Variants in COL27A1 observed in about 807,000 individuals in gnomAD.
The protein encoded by COL27A1 is collagen type XXVII alpha 1 chain, also known as collagen alpha-1(XXVII) chain.
A neutral mutation model predicts 251.3 loss-of-function variants in COL27A1; 106 were observed. The observed-to-expected ratio is 0.42, with a 90% CI of 0.36 to 0.50. The LOEUF (loss-of-function observed/expected upper bound fraction) is 0.50, where lower values mean the gene tolerates loss of function less well. Ranked by LOEUF, COL27A1 falls within the 20% of genes least tolerant of loss-of-function variation. COL27A1 has a pLI of 0.00. For missense variants in COL27A1, 2,325 were observed against 2,522.8 expected, an observed-to-expected ratio of 0.92 and a Z score of 1.68; for synonymous variants, 1,000 against 986.3, an observed-to-expected ratio of 1.01 and a Z score of -0.26.
intron 1 of COL27A1, among the ~76,000 whole-genome samples, chr9:114,160,854 G>A (rs1400488457): frequency 6.6e-6 from 1 of 152,202 alleles, no homozygotes; most frequent in Non-Finnish European, 1.5e-5. Flanking sequence ...TGGATGTGTA[G>A]GAACTGACCA....
At position 114,243,664 on chromosome 9, in the gene COL27A1, GA is replaced by G. The variant is rs779903917; in HGVS notation, c.2934+111del. 8 of 920,876 alleles carry G rather than the reference GA, an allele frequency of 8.7e-6. No homozygotes were observed. The African/African-American group carries it at 1.2e-4, about 14-fold the overall frequency. 57.0% of individuals were successfully genotyped at this position (920,876 alleles called of 1,614,324 possible). ...TCCCATGGCCAGTTGTGAAAAGGGA[GA>G]AAAAAATTGGTTCCTGTTTAGAACA... On this transcript the variant is annotated intron_variant, in intron 23 of 60. Transcript: ENST00000356083.
In COL27A1 at chr9:114,169,118, T is replaced by G. The variant is rs774246839; in HGVS notation, c.1563T>G (p.Pro521=). The G allele has an allele frequency of 6.2e-7, 1 of 1,614,086 alleles. No individual in the cohort carries two copies. The highest frequency in any genetic ancestry group is 8.5e-7 in the Non-Finnish European group (1 of 1,180,012). Residue 521 remains proline, a synonymous_variant, in exon 3 of 61, where the codon CCT becomes CCG. Coordinates refer to ENST00000356083, the MANE Select transcript of COL27A1 (RefSeq NM_032888.4). ...TSGTSTPRTA[P]AVPTPGSAPT... ...GCACCAGCACTCCCAGAACAGCACC[T>G]GCCGTCCCCACTCCTGGCTCAGCTC...
Position 114,211,006 on chromosome 9 carries a change from A to G in COL27A1, c.2347A>G (p.Arg783Gly). 4 of 1,614,188 alleles carry G rather than the reference A, an allele frequency of 2.5e-6. No individual in the cohort carries two copies. The highest frequency in any genetic ancestry group is 3.4e-6 in the Non-Finnish European group (4 of 1,180,012). The change falls in exon 12 of 61, where the codon AGG (arginine) becomes GGG (glycine). Residue 783 changes from arginine (R) to glycine (G), a missense_variant. By Grantham distance (125) the Arg-to-Gly change is moderately radical. Transcript: ENST00000356083. ...ERGLPGVPGK[R>G]GKMGMPGFPG... ...GGGCCTGCCTGGCGTTCCTGGCAAG[A>G]GGGGCAAGATGGGTATGCCGGTAAA...
chr9:114,209,595 GT>G (rs1245409718), intron 10 of COL27A1, 79 bp from the exon 11 acceptor site: 19 of 1,291,730 alleles, frequency 1.5e-5, no homozygotes, highest in Middle Eastern at 1.9e-4. Context: ...TGGGATGGCA[GT>G]GGTGGGTGGG....
chr9:114,157,548 T>C (rs1055480234), intron 1 of COL27A1, among the ~76,000 whole-genome samples: 1 of 152,228 alleles, frequency 6.6e-6, no homozygotes, highest in African/African-American at 2.4e-5. Flanking sequence ...CTCCTGGTGG[T>C]CTCTGTCCCT....
At chr9:114,178,453 C>A in intron 4 of COL27A1, 109 bp downstream of exon 4, 1 of 956,102 alleles carries the variant, frequency 1.0e-6, no homozygotes, top group Non-Finnish European at 1.7e-6. Flanking sequence ...TTCCCTCCCC[C>A]TCTCTGGCAC....
intron 6 of COL27A1, 86 bp from the exon 7 acceptor site, chr9:114,195,873 G>T: frequency 9.5e-7 from 1 of 1,049,426 alleles, no homozygotes; most frequent in Non-Finnish European, 1.5e-6. Flanking sequence ...ACCAGCCATT[G>T]GAAGTTACCA....
intron 57 of COL27A1, among the ~76,000 whole-genome samples, chr9:114,305,219 T>C (rs1192492740): frequency 6.6e-6 from 1 of 152,210 alleles, no homozygotes; most frequent in East Asian, 1.9e-4. Flanking sequence ...TCAAACCTCC[T>C]ATGAACATTT....
Position 114,240,512 on chromosome 9 carries a change from T to C in COL27A1, c.2835+25T>C, listed in dbSNP as rs759710978. 1.9e-6 allele frequency: 3 copies of C among 1,601,240 alleles called. 1 individual carries two copies. Among genetic ancestry groups the C allele is most frequent in the Non-Finnish European group, 2.5e-6 (3 of 1,176,968 alleles). On this transcript the variant is annotated intron_variant, in intron 21 of 60. Transcript: ENST00000356083. ...GGTGAGACTGTCTGGCCCCCTCCAC[T>C]GCCCATCCTGGCCTGATTGCAGCCC... is the stretch of plus-strand genomic sequence containing the variant.
chr9:114,167,640 G>A, intron 2 of COL27A1, 49 bp from the exon 3 acceptor site: 1 of 1,509,980 alleles, frequency 6.6e-7, no homozygotes, highest in Non-Finnish European at 9.0e-7. Context: ...GGTGGGGTGG[G>A]CTGGAGCAGG....
At chr9:114,154,101 C>T (rs905754418), upstream of COL27A1, among the ~76,000 whole-genome samples, 2 of 152,112 alleles carry the variant, frequency 1.3e-5, no homozygotes, top group African/African-American at 4.8e-5. The surrounding 1 kb of genome is among the most constrained non-coding windows in gnomAD (Gnocchi z 5.8). Context: ...CGCCCCAGCA[C>T]CTATGAGCCG....
rs954137998 is a variant in COL27A1, at chr9:114,205,659, C to T, written c.2170-100C>T. ...CCTGTTCCATCTCACATTCCTGCCC[C>T]TCTCTTTATTCATTGTCAGCCCCAG... is the stretch of plus-strand genomic sequence containing the variant. On this transcript the variant is annotated intron_variant, in intron 8 of 60. Coordinates refer to ENST00000356083, the MANE Select transcript of COL27A1 (RefSeq NM_032888.4). 34 of 1,083,002 alleles carry T rather than the reference C, an allele frequency of 3.1e-5. No homozygotes were observed. The Admixed American group carries it at 5.0e-4, about 16-fold the overall frequency. The allele number at this position is 1,083,002 out of a possible 1,614,324, so 67.1% of individuals were successfully genotyped here.
intron 56 of COL27A1, among the ~76,000 whole-genome samples, chr9:114,302,622 A>G (rs1828728121): frequency 6.6e-6 from 1 of 150,876 alleles, no homozygotes; most frequent in Non-Finnish European, 1.5e-5. Context: ...GCTACAGGAG[A>G]GGTTGAACCC....
At chr9:114,185,753 G>A (rs770262525) in intron 5 of COL27A1, among the ~76,000 whole-genome samples, 6 of 152,250 alleles carry the variant, frequency 3.9e-5, no homozygotes, top group Non-Finnish European at 5.9e-5. Context: ...CGTGTATTGA[G>A]CACCCACTAC....
intron 37 of COL27A1, among the ~76,000 whole-genome samples, chr9:114,277,232 C>T (rs1419015045): frequency 6.6e-6 from 1 of 152,084 alleles, no homozygotes; most frequent in Admixed American, 6.5e-5. Flanking sequence ...TGGGTCGGTT[C>T]AGTTGAACTC....
chr9:114,227,386 G>A (rs1269536164), intron 14 of COL27A1, among the ~76,000 whole-genome samples: 1 of 146,294 alleles, frequency 6.8e-6, no homozygotes, highest in East Asian at 2.0e-4. Flanking sequence ...CAGACAGACA[G>A]ATGGATGGAC....
At chr9:114,273,066 G>C (rs1167255086) in intron 36 of COL27A1, 1 of 152,362 alleles carries the variant, frequency 6.6e-6, no homozygotes, top group East Asian at 1.9e-4. Context: ...TGTTCTGCAT[G>C]AGATTCACAA....
At chr9:114,214,184 C>T (rs1002428046) in intron 12 of COL27A1, among the ~76,000 whole-genome samples, 20 of 152,196 alleles carry the variant, frequency 1.3e-4, no homozygotes, top group African/African-American at 4.6e-4. Context: ...GGCCATCCCT[C>T]TGTTGCTGTT....
intron 7 of COL27A1, among the ~76,000 whole-genome samples, chr9:114,198,926 C>A (rs1051754179): frequency 6.6e-6 from 1 of 152,192 alleles, no homozygotes; most frequent in African/African-American, 2.4e-5. Context: ...GATGTAATAT[C>A]CCTGCCCTCA....
Sources: gnomAD v4.1 joint callset for allele counts (sites outside exome capture counted in the v4.1 genomes callset) on GRCh38, gnomAD v4.1.1 for gene constraint, Gnocchi (gnomAD v3.1) non-coding constraint, MANE v1.5 for transcripts, NCBI Gene and HGNC (gene_info 2026-07-23, HGNC 2026-07-21) for gene names.